The following MIA2 variants were observed in gnomAD, a reference collection of about 807,000 sequenced individuals.
MIA2 encodes melanoma inhibitory activity protein 2.
MIA2 carries 127 observed loss-of-function variants against 167.8 expected under a neutral mutation model. That is an observed-to-expected ratio of 0.76 (90% CI 0.66 to 0.88). MIA2 has a LOEUF of 0.88. Ranked by LOEUF, MIA2 falls within the 40% of genes least tolerant of loss-of-function variation. The pLI, the probability that MIA2 is intolerant of heterozygous loss-of-function variation, is 0.00. For synonymous variants in MIA2, 552 were observed against 541.9 expected, an observed-to-expected ratio of 1.02 and a Z score of -0.26; for missense variants, 1,690 against 1,624.7, an observed-to-expected ratio of 1.04 and a Z score of -0.69.
chr14:39,303,442 C>G (rs199688357), intron 15 of MIA2, 36 bp from the exon 16 acceptor site: 1 of 1,537,140 alleles, frequency 6.5e-7, no homozygotes, highest in Admixed American at 1.8e-5. Flanking sequence ...GTACTATTTT[C>G]CCAAATCATT....
intron 18 of MIA2, among the ~76,000 whole-genome samples, chr14:39,310,138 T>C (rs1188689989): frequency 1.3e-5 from 2 of 152,176 alleles, no homozygotes; most frequent in South Asian, 2.1e-4. Context: ...CATGGACATA[T>C]TCAGAATGAT....
Position 39,234,100 on chromosome 14 carries a change from G to C in MIA2, c.-15G>C. 1 of 1,549,324 alleles carries C rather than the reference G, an allele frequency of 6.5e-7. No homozygotes were observed. Among genetic ancestry groups the C allele is most frequent in the African/African-American group, 1.4e-5 (1 of 72,350 alleles). ...GCTTAAACTTCACTTGGGATTCCCGGTTGCTTGTTTTAGCATGGCAAAATT... is the reference window on the plus strand; with the variant it reads ...GCTTAAACTTCACTTGGGATTCCCGCTTGCTTGTTTTAGCATGGCAAAATT... On this transcript the variant is annotated 5_prime_UTR_variant, in exon 1 of 29. Coordinates refer to ENST00000640607, the MANE Select transcript of MIA2 (RefSeq NM_001329214.4).
At chr14:39,341,026 G>A (rs1222093764) in intron 25 of MIA2, among the ~76,000 whole-genome samples, 1 of 152,138 alleles carries the variant, frequency 6.6e-6, no homozygotes, top group South Asian at 2.1e-4. Flanking sequence ...TATTGGCTGG[G>A]CATGGTGGCT....
intron 6 of MIA2, among the ~76,000 whole-genome samples, chr14:39,256,164 C>T (rs2054807665): frequency 6.6e-6 from 1 of 152,178 alleles, no homozygotes; most frequent in South Asian, 2.1e-4. Flanking sequence ...TGCTTGCTTA[C>T]ATAGACATGG....
chr14:39,385,984 C>G (rs1409007519), intron 23 of MIA2: 1 of 846,932 alleles, frequency 1.2e-6, no homozygotes, highest in Non-Finnish European at 2.0e-6. Flanking sequence ...ACCATTTGAG[C>G]AAGAACGCCT....
chr14:39,324,295 C>A (rs1225645977), intron 24 of MIA2, among the ~76,000 whole-genome samples: 1 of 152,146 alleles, frequency 6.6e-6, no homozygotes, highest in Non-Finnish European at 1.5e-5. Context: ...TGACGACTTG[C>A]ACATTTTCTG....
At chr14:39,360,487 T>C (rs2074657129) in intron 23 of MIA2, among the ~76,000 whole-genome samples, 1 of 134,746 alleles carries the variant, frequency 7.4e-6, no homozygotes, top group Non-Finnish European at 1.6e-5. Flanking sequence ...TTTGTTGTTG[T>C]TGTTGTCTTT....
intron 23 of MIA2, chr14:39,385,284 G>T (rs770243406): frequency 3.8e-5 from 25 of 649,572 alleles, no homozygotes; most frequent in Admixed American, 3.3e-4. Flanking sequence ...GCAGTAAAGT[G>T]AAGATAACAA....
chr14:39,304,386 G>A lies in MIA2; in HGVS notation c.2878+5G>A. On this transcript the variant is annotated splice_donor_5th_base_variant and intron_variant, in intron 17 of 28. Transcript: ENST00000640607. Reference sequence around the variant, plus strand: ...AAACAAAGGAAGAGCTTACAGGTAGGTCATTGACATACATACTTTTAATGT... The same window carrying A: ...AAACAAAGGAAGAGCTTACAGGTAGATCATTGACATACATACTTTTAATGT... The A allele has an allele frequency of 6.7e-7, 1 of 1,497,422 alleles. No individual in the cohort carries two copies. The highest frequency in any genetic ancestry group is 9.1e-7 in the Non-Finnish European group (1 of 1,102,942). 92.8% of individuals were successfully genotyped at this position (1,497,422 alleles called of 1,614,324 possible).
intron 2 of MIA2, among the ~76,000 whole-genome samples, chr14:39,237,826 G>T (rs1312327874): frequency 6.6e-6 from 1 of 151,840 alleles, no homozygotes; most frequent in Non-Finnish European, 1.5e-5. Context: ...TGCAACCTCT[G>T]CCTCCCAGGT....
intron 23 of MIA2, among the ~76,000 whole-genome samples, chr14:39,365,090 GA>G (rs1595946455): frequency 6.6e-6 from 1 of 150,810 alleles, no homozygotes; most frequent in East Asian, 1.9e-4. Context: ...TTTTGTGATG[GA>G]ATCTCACTGT....
rs553599065 is a variant in MIA2 at position 39,360,454 on chromosome 14, GTTTT to G, written c.2248+11485_2248+11488del. ...TCATGTCCTTTGCCCATGTTTTAAT[GTTTT>G]TTTTTTTGTTTGTTTGTTTTTGTTG... is the stretch of plus-strand genomic sequence containing the variant. On this transcript the variant is annotated intron_variant, in intron 23 of 23. Transcript: ENST00000341502. Among the ~76,000 whole-genome samples the G allele has an allele frequency of 4.0e-4, 58 of 144,666 alleles. 1 individual carries two copies. The highest frequency in any genetic ancestry group is 4.4e-4 in the South Asian group (2 of 4,546). 94.9% of individuals were successfully genotyped at this position (144,666 alleles called of 152,430 possible). A position where few individuals can be genotyped will look rare whatever the true frequency, so the allele number is the denominator to read the frequency against.
chr14:39,314,840 A>T (rs112379214), intron 20 of MIA2, 41 bp downstream of exon 20: 1 of 688,496 alleles, frequency 1.5e-6, no homozygotes, highest in Non-Finnish European at 2.1e-6. Context: ...GTGTGTGTAT[A>T]TATATATAAT....
intron 2 of MIA2, among the ~76,000 whole-genome samples, chr14:39,238,811 A>AAAAAAAAAAAAAACAAAACAAAAAAC: frequency 1.9e-4 from 20 of 103,636 alleles, no homozygotes; most frequent in East Asian, 2.8e-4. Context: ...AAAAAAAAAA[A>AAAAAAAAAAAAAACAAAACAAAAAAC]CCCAAAAAAC....
intron 23 of MIA2, chr14:39,385,796 G>A: frequency 4.5e-6 from 4 of 879,424 alleles, no homozygotes; most frequent in Non-Finnish European, 7.8e-6. Context: ...TGTTGCCTCT[G>A]GTTCTCAGTG....
chr14:39,261,554 G>A (rs1174977112), intron 6 of MIA2, among the ~76,000 whole-genome samples: 2 of 152,162 alleles, frequency 1.3e-5, no homozygotes, highest in Non-Finnish European at 2.9e-5. Flanking sequence ...AGATCCTTGA[G>A]GAATCGCCAG....
chr14:39,371,589 G>A (rs1186767633), intron 23 of MIA2, among the ~76,000 whole-genome samples: 2 of 152,192 alleles, frequency 1.3e-5, no homozygotes, highest in African/African-American at 2.4e-5. Flanking sequence ...TGATATGAGT[G>A]CTACAAAAGA....
At position 39,295,583 on chromosome 14, in the gene MIA2, C is replaced by T. The variant is rs190102805; in HGVS notation, c.2496+554C>T. ...TTTTTTTATTTTTTAATTTTTTAGA[C>T]GGAGTCTCACTCTGTTGCCAGGCTG... On this transcript the variant is annotated intron_variant, in intron 13 of 28. Transcript: ENST00000640607. Among the ~76,000 whole-genome samples, 22 of 152,040 alleles carry T rather than the reference C, an allele frequency of 1.4e-4. 1 individual carries two copies. Among genetic ancestry groups the T allele is most frequent in the South Asian group, 2.1e-4 (1 of 4,814 alleles).
At chr14:39,336,497 G>C (rs2070447202) in intron 25 of MIA2, among the ~76,000 whole-genome samples, 1 of 152,138 alleles carries the variant, frequency 6.6e-6, no homozygotes, top group Non-Finnish European at 1.5e-5. Flanking sequence ...GTTATTAAAG[G>C]TTAGTACACA....
Sources: allele counts gnomAD v4.1 joint callset (sites outside exome capture counted in the v4.1 genomes callset), GRCh38; gene constraint gnomAD v4.1.1; transcripts MANE v1.5; gene names NCBI Gene and HGNC (gene_info 2026-07-23, HGNC 2026-07-21).